NOX4: variants seen among roughly 807,000 people sequenced by gnomAD.
The protein encoded by NOX4 is kidney oxidase-1.
In NOX4, 69 loss-of-function variants were observed where a neutral mutation model predicts 87.6. The observed-to-expected ratio is 0.79, with a 90% CI of 0.65 to 0.96. NOX4 has a LOEUF of 0.96. Ranked by LOEUF, NOX4 falls within the 40% of genes least tolerant of loss-of-function variation. NOX4 has a pLI of 0.00. For synonymous variants in NOX4, 275 were observed against 238.2 expected, an observed-to-expected ratio of 1.15 and a Z score of -1.42; for missense variants, 680 against 681.5, an observed-to-expected ratio of 1.00 and a Z score of 0.02.
chr11:89,369,291 G>A (rs955685031), intron 12 of NOX4, among the ~76,000 whole-genome samples: 1 of 152,000 alleles, frequency 6.6e-6, no homozygotes, highest in Non-Finnish European at 1.5e-5. Flanking sequence ...CATCCACAGG[G>A]GCTGGGAGGA....
Position 89,415,070 on chromosome 11 carries a change from T to C in NOX4, c.629+6832A>G, listed in dbSNP as rs545355276. On this transcript the variant is annotated intron_variant, in intron 8 of 17. Coordinates refer to ENST00000263317, the MANE Select transcript of NOX4 (RefSeq NM_016931.5). ...TTATTAGCTGTGTGACTTTAGACAGTTACTTAATTTAATCTTTCATGCTTC... is the reference window on the plus strand; with the variant it reads ...TTATTAGCTGTGTGACTTTAGACAGCTACTTAATTTAATCTTTCATGCTTC... Among the ~76,000 whole-genome samples the C allele has an allele frequency of 7.2e-5, 11 of 152,098 alleles. No individual in the cohort carries two copies. In the East Asian group the frequency reaches 2.1e-3, roughly 29 times the overall value.
chr11:89,411,504 A>G (rs1337936790), intron 8 of NOX4, among the ~76,000 whole-genome samples: 1 of 152,028 alleles, frequency 6.6e-6, no homozygotes, highest in Non-Finnish European at 1.5e-5. Flanking sequence ...ATCCTGAAGT[A>G]AAAGTCCCAA....
At chr11:89,558,304 A>C in the NOX4 span, among the ~76,000 whole-genome samples, 2 of 152,114 alleles carry the variant, frequency 1.3e-5, no homozygotes, top group Non-Finnish European at 1.5e-5. Flanking sequence ...TTAAGACATA[A>C]AGAAACCAAC....
At chr11:89,587,974 G>GA in the NOX4 span, among the ~76,000 whole-genome samples, 14 of 152,030 alleles carry the variant, frequency 9.2e-5, no homozygotes, top group Non-Finnish European at 1.5e-4. Flanking sequence ...ATTTCTGGGG[G>GA]AAAAAATCCC....
At chr11:89,410,248 C>T (rs1469027577) in intron 8 of NOX4, among the ~76,000 whole-genome samples, 1 of 152,086 alleles carries the variant, frequency 6.6e-6, no homozygotes, top group Non-Finnish European at 1.5e-5. Flanking sequence ...AACTAATTAC[C>T]TAGATAAGAC....
intron 2 of NOX4, among the ~76,000 whole-genome samples, chr11:89,484,251 A>G (rs1187374333): frequency 1.3e-5 from 2 of 152,108 alleles, no homozygotes; most frequent in Non-Finnish European, 2.9e-5. Context: ...ATTTAGCTAT[A>G]TATCACAACG....
At chr11:89,365,753 C>CAAAAAAAAAAAAAA (rs1213376592) in intron 12 of NOX4, among the ~76,000 whole-genome samples, 1 of 56,644 alleles carries the variant, frequency 1.8e-5, no homozygotes, top group African/African-American at 6.7e-5. Flanking sequence ...ACCACGCCCA[C>CAAAAAAAAAAAAAA]AAAAAAAAAA....
chr11:89,407,709 A>G (rs1942263353), intron 8 of NOX4, among the ~76,000 whole-genome samples: 1 of 152,050 alleles, frequency 6.6e-6, no homozygotes, highest in East Asian at 1.9e-4. Flanking sequence ...CTTATAAAAT[A>G]ATATAATACA....
chr11:89,425,427 A>G (rs890357182), intron 7 of NOX4, among the ~76,000 whole-genome samples: 4 of 151,586 alleles, frequency 2.6e-5, no homozygotes, highest in Non-Finnish European at 5.9e-5. Context: ...AAAAAAAACA[A>G]AACAAAATCT....
At chr11:89,330,999 C>T (rs968489130) in intron 17 of NOX4, among the ~76,000 whole-genome samples, 2 of 151,920 alleles carry the variant, frequency 1.3e-5, no homozygotes, top group Admixed American at 6.6e-5. Flanking sequence ...AACTAATTGG[C>T]ATTTGTAGAA....
chr11:89,491,430 C>T (rs1946851892), upstream of NOX4: 1 of 552,614 alleles, frequency 1.8e-6, no homozygotes, highest in Non-Finnish European at 3.1e-6. Flanking sequence ...CTACCCAGAG[C>T]CGGGTTTTCC....
At chr11:89,430,571 G>A (rs2135305143) in intron 7 of NOX4, among the ~76,000 whole-genome samples, 1 of 152,210 alleles carries the variant, frequency 6.6e-6, no homozygotes, top group African/African-American at 2.4e-5. Context: ...CAGACAAACA[G>A]AGAGCCAAAT....
chr11:89,501,921 G>A (rs1455410095), upstream of NOX4, among the ~76,000 whole-genome samples: 3 of 152,050 alleles, frequency 2.0e-5, no homozygotes, highest in Non-Finnish European at 2.9e-5. Flanking sequence ...TTTCTGAATG[G>A]GAGTTTTTGT....
chr11:89,359,244 AC>A (rs1938326082), intron 12 of NOX4, among the ~76,000 whole-genome samples: 1 of 152,094 alleles, frequency 6.6e-6, no homozygotes, highest in South Asian at 2.1e-4. Context: ...TCTAATTGAA[AC>A]TTTTTCTACA....
the NOX4 span, among the ~76,000 whole-genome samples, chr11:89,537,495 TG>T: frequency 6.6e-6 from 1 of 151,988 alleles, no homozygotes; most frequent in African/African-American, 2.4e-5. Context: ...CTTTTATATA[TG>T]GTATATAAAA....
chr11:89,430,435 G>A (rs1020276215), intron 7 of NOX4, among the ~76,000 whole-genome samples: 8 of 152,134 alleles, frequency 5.3e-5, no homozygotes, highest in African/African-American at 1.9e-4. Context: ...CAGATGAAAG[G>A]ATTGTACATT....
intron 12 of NOX4, among the ~76,000 whole-genome samples, chr11:89,355,786 C>G (rs984086366): frequency 9.2e-5 from 14 of 151,982 alleles, no homozygotes; most frequent in Non-Finnish European, 1.9e-4. Context: ...GTCTGTGGCC[C>G]AATATTTCCA....
the NOX4 span, among the ~76,000 whole-genome samples, chr11:89,518,591 A>G: frequency 6.6e-6 from 1 of 152,062 alleles, no homozygotes; most frequent in Non-Finnish European, 1.5e-5. Flanking sequence ...TATTCCTTTG[A>G]CATTCTGGTA....
chr11:89,581,618 G>A, the NOX4 span, among the ~76,000 whole-genome samples: 1 of 152,086 alleles, frequency 6.6e-6, no homozygotes, highest in Non-Finnish European at 1.5e-5. Flanking sequence ...ATAGGGAAGG[G>A]ACAAGGGAAG....
Sources: allele counts gnomAD v4.1 joint callset (sites outside exome capture counted in the v4.1 genomes callset), GRCh38; gene constraint gnomAD v4.1.1; transcripts MANE v1.5; gene names NCBI Gene and HGNC (gene_info 2026-07-23, HGNC 2026-07-21).